The following INTS10 variants were observed in gnomAD, a reference collection of about 807,000 sequenced individuals.
INTS10 encodes the protein chromosome 8 open reading frame 35.
In INTS10, 44 loss-of-function variants were observed where a neutral mutation model predicts 94.4. The observed-to-expected ratio is 0.47, with a 90% confidence interval of 0.37 to 0.60. The LOEUF is 0.60. Ranked by LOEUF, INTS10 falls within the 20% of genes least tolerant of loss-of-function variation. The probability of loss-of-function intolerance (pLI) is 0.00; values close to 1 mark genes in which losing one functional copy is unlikely to be tolerated. For missense variants in INTS10, 797 were observed against 868.7 expected (o/e 0.92, Z 1.04); for synonymous variants, 341 against 320.7 (o/e 1.06, Z -0.68).
chr8:19,842,276 C>G (rs186260111), intron 13 of INTS10, among the ~76,000 whole-genome samples: 1 of 152,146 alleles, frequency 6.6e-6, no homozygotes, highest in African/African-American at 2.4e-5. Context: ...AAATCTGAAC[C>G]ACATGAAGTT....
intron 4 of INTS10, 73 bp downstream of exon 4, chr8:19,820,591 G>A (rs2066296248): frequency 2.9e-5 from 40 of 1,358,472 alleles, no homozygotes; most frequent in Non-Finnish European, 3.9e-5. Context: ...GGTATGGTGA[G>A]GAGCTACAAA....
chr8:19,838,564 A>T lies in INTS10; in HGVS notation c.1639+1404A>T, dbSNP rs2067857845. On this transcript the variant is annotated intron_variant, in intron 13 of 16. Coordinates refer to ENST00000397977, the MANE Select transcript of INTS10 (RefSeq NM_018142.4). The stretch of plus-strand genomic sequence containing the variant: ...ACAAACTCTTATCAGAAAATAGAGG[A>T]AGAGTCCCAATTCATTTTTAAAGGC... Among the ~76,000 whole-genome samples the T allele has an allele frequency of 2.6e-5, 4 of 152,212 alleles. No homozygotes were observed. In the South Asian group the frequency reaches 8.3e-4, roughly 32 times the overall value.
At chr8:19,840,391 T>C (rs1053289701) in intron 13 of INTS10, among the ~76,000 whole-genome samples, 1 of 152,210 alleles carries the variant, frequency 6.6e-6, no homozygotes, top group South Asian at 2.1e-4. Flanking sequence ...CAAGCAAAAT[T>C]ACAGCAGACT....
intron 12 of INTS10, 37 bp from the exon 13 acceptor site, chr8:19,837,015 C>G: frequency 7.5e-7 from 1 of 1,333,432 alleles, no homozygotes; most frequent in Non-Finnish European, 1.1e-6. Context: ...GTTCAGAAAG[C>G]TTCAAGTTAG....
intron 12 of INTS10, among the ~76,000 whole-genome samples, chr8:19,835,044 T>C (rs2067543246): frequency 6.6e-6 from 1 of 151,988 alleles, no homozygotes; most frequent in South Asian, 2.1e-4. Flanking sequence ...GGTTTCAACA[T>C]ACAAATTTTG....
chr8:19,818,172 C>G (rs748400626), intron 1 of INTS10, 103 bp from the exon 2 acceptor site: 6 of 1,122,648 alleles, frequency 5.3e-6, no homozygotes, highest in Admixed American at 3.4e-5. Flanking sequence ...GAGCTTCACT[C>G]TCAGGCCCTC....
Position 19,828,630 on chromosome 8 carries a change from C to T in INTS10, c.1141-1776C>T, listed in dbSNP as rs147655660. On this transcript the variant is annotated intron_variant, in intron 9 of 16. Coordinates refer to ENST00000397977, the MANE Select transcript of INTS10 (RefSeq NM_018142.4). ...TTCTGTAAGCTGCAGCACTAGCAGACGCGCCATGTGTGTTCGTGTATGATA... is the reference window on the plus strand; with the variant it reads ...TTCTGTAAGCTGCAGCACTAGCAGATGCGCCATGTGTGTTCGTGTATGATA... 4.2e-3 allele frequency among the ~76,000 whole-genome samples: 644 copies of T among 152,170 alleles called. 3 individuals are homozygous for T. Among genetic ancestry groups the T allele is most frequent in the African/African-American group, 0.015 (610 of 41,486 alleles).
chr8:19,820,739 T>A (rs1589914342), intron 4 of INTS10, among the ~76,000 whole-genome samples: 1 of 152,336 alleles, frequency 6.6e-6, no homozygotes, highest in South Asian at 2.1e-4. Flanking sequence ...ATCACCAAGC[T>A]CTGACAGTAC....
At chr8:19,836,879 C>G (rs2067706105) in intron 12 of INTS10, among the ~76,000 whole-genome samples, 173 bp from the exon 13 acceptor site, 1 of 152,222 alleles carries the variant, frequency 6.6e-6, no homozygotes, top group African/African-American at 2.4e-5. Flanking sequence ...GAGTCTTATT[C>G]TTTACTCTTT....
chr8:19,851,947 C>T lies in INTS10; in HGVS notation c.*142C>T. The T allele has an allele frequency of 1.7e-6, 1 of 590,844 alleles. No individual in the cohort carries two copies. Among genetic ancestry groups the T allele is most frequent in the Non-Finnish European group, 2.8e-6 (1 of 358,748 alleles). The allele number at this position is 590,844 out of a possible 1,614,324, so 36.6% of individuals were successfully genotyped here. The stretch of plus-strand genomic sequence containing the variant: ...CATCTGAGTTCTAACTCCTTGGTTG[C>T]TTAAAAGTAGTTCCCAAGAGTCTGA... On this transcript the variant is annotated 3_prime_UTR_variant, in exon 17 of 17. Transcript: ENST00000397977. The surrounding 1 kb of genome is among the most constrained non-coding windows in gnomAD (Gnocchi z 5.0).
At chr8:19,832,859 T>G (rs2067340932) in intron 11 of INTS10, among the ~76,000 whole-genome samples, 1 of 152,144 alleles carries the variant, frequency 6.6e-6, no homozygotes, top group Non-Finnish European at 1.5e-5. Context: ...GTAAAATATT[T>G]CTAAAGAAAT....
Position 19,823,396 on chromosome 8 carries a change from A to G in INTS10, c.619A>G (p.Ile207Val), listed in dbSNP as rs777852042. The G allele has an allele frequency of 1.2e-6, 2 of 1,606,508 alleles. No homozygotes were observed. The highest frequency in any genetic ancestry group is 1.7e-6 in the Non-Finnish European group (2 of 1,173,166). ...CTTGAACAAAGCAGCTGAATTTTATATCAATTATGTCACTAGGTCTACTCA... is the reference window on the plus strand; with the variant it reads ...CTTGAACAAAGCAGCTGAATTTTATGTCAATTATGTCACTAGGTCTACTCA... ...KYLNKAAEFY[I>V]NYVTRSTQIE... The change falls in exon 6 of 17, where the codon ATC (isoleucine) becomes GTC (valine). Residue 207 changes from isoleucine to valine, a missense_variant. Coordinates refer to ENST00000397977, the MANE Select transcript of INTS10 (RefSeq NM_018142.4).
chr8:19,838,776 A>G (rs1057507331), intron 13 of INTS10, among the ~76,000 whole-genome samples: 2 of 152,228 alleles, frequency 1.3e-5, no homozygotes, highest in East Asian at 1.9e-4. Flanking sequence ...GCGTTTGAAC[A>G]TACAAAAATC....
chr8:19,829,411 A>T (rs193069584), intron 9 of INTS10, among the ~76,000 whole-genome samples: 1 of 151,746 alleles, frequency 6.6e-6, no homozygotes, highest in African/African-American at 2.4e-5. Flanking sequence ...CGGTATTTCC[A>T]ATAATTGCCT....
rs774030118 is a variant in INTS10 at position 19,850,888 on chromosome 8, C to T, written c.1977-761C>T. 2.8e-4 allele frequency among the ~76,000 whole-genome samples: 42 copies of T among 151,982 alleles called. 1 individual carries two copies. The highest frequency in any genetic ancestry group is 9.8e-4 in the Admixed American group (15 of 15,264). On this transcript the variant is annotated intron_variant, in intron 16 of 16. Transcript: ENST00000397977. ...GGGGTGTAGTTAAGAGACATTTTTC[C>T]CTGTGTCCCCACCACCCCTTCCACA...
chr8:19,835,563 T>C (rs928534423), intron 12 of INTS10, among the ~76,000 whole-genome samples: 8 of 152,202 alleles, frequency 5.3e-5, no homozygotes, highest in African/African-American at 1.7e-4. Context: ...GAAAGATTGA[T>C]AGAAAAGATT....
At position 19,819,691 on chromosome 8, in the gene INTS10, G is replaced by T; in HGVS notation, c.301+15G>T. On this transcript the variant is annotated intron_variant, in intron 3 of 16. Coordinates refer to ENST00000397977, the MANE Select transcript of INTS10 (RefSeq NM_018142.4). ...ATTTTTAAGAAGTAAGAATAATGGT[G>T]TATAAGTTACCATTTCGGGAATACC... The T allele has an allele frequency of 6.4e-7, 1 of 1,555,864 alleles. No homozygotes were observed. Among genetic ancestry groups the T allele is most frequent in the Non-Finnish European group, 8.8e-7 (1 of 1,130,462 alleles).
At chr8:19,829,519 A>C (rs539321145) in intron 9 of INTS10, among the ~76,000 whole-genome samples, 181 of 152,312 alleles carry the variant, frequency 1.2e-3, no homozygotes, top group African/African-American at 4.2e-3. Flanking sequence ...GGGCTTTACT[A>C]GGTAAGTGCA....
intron 9 of INTS10, among the ~76,000 whole-genome samples, chr8:19,827,091 A>G (rs1194450711): frequency 1.3e-5 from 2 of 152,178 alleles, no homozygotes; most frequent in Non-Finnish European, 2.9e-5. Flanking sequence ...GGGTTTTGTC[A>G]GTTGGAATTG....
Sources: gnomAD v4.1 joint callset for allele counts (sites outside exome capture counted in the v4.1 genomes callset) on GRCh38, gnomAD v4.1.1 for gene constraint, Gnocchi (gnomAD v3.1) non-coding constraint, MANE v1.5 for transcripts, NCBI Gene and HGNC (gene_info 2026-07-23, HGNC 2026-07-21) for gene names.